The following UNC13C variants were observed in gnomAD, a reference collection of about 807,000 sequenced individuals.
UNC13C encodes the protein protein unc-13 homolog C.
In UNC13C, 174 loss-of-function variants were observed where a neutral mutation model predicts 245.4. The observed-to-expected ratio is 0.71, with a 90% CI of 0.63 to 0.80. UNC13C has a LOEUF of 0.80. UNC13C is among the 30% of genes least tolerant of loss of function. The pLI, the probability that UNC13C is intolerant of heterozygous loss-of-function variation, is 0.00. For missense variants in UNC13C, 2,829 were observed against 2,602.9 expected (o/e 1.09, Z -1.89); for synonymous variants, 992 against 895.1 (o/e 1.11, Z -1.93).
chr15:54,292,914 G>C (rs1233059453), intron 10 of UNC13C, among the ~76,000 whole-genome samples: 1 of 147,676 alleles, frequency 6.8e-6, no homozygotes, highest in African/African-American at 2.5e-5. Context: ...ATAATATATA[G>C]ATTATATATA....
At chr15:54,344,435 T>C (rs1007186057) in intron 17 of UNC13C, among the ~76,000 whole-genome samples, 6 of 152,344 alleles carry the variant, frequency 3.9e-5, no homozygotes, top group African/African-American at 1.4e-4. Context: ...TATATAATTT[T>C]CTTACTGGTT....
chr15:54,226,824 C>T (rs1243544845), intron 4 of UNC13C, among the ~76,000 whole-genome samples: 1 of 152,166 alleles, frequency 6.6e-6, no homozygotes, highest in Non-Finnish European at 1.5e-5. Context: ...ACAGAGGGAT[C>T]ATGGTGGTGC....
At chr15:54,249,274 T>C (rs62010056) in intron 7 of UNC13C, among the ~76,000 whole-genome samples, 18,317 of 152,050 alleles carry the variant, frequency 0.12, 1,212 homozygotes, top group Middle Eastern at 0.17. Flanking sequence ...TAATACTAAG[T>C]GCTTATTTGG....
At chr15:54,500,511 T>C (rs534393804) in intron 21 of UNC13C, among the ~76,000 whole-genome samples, 1 of 152,134 alleles carries the variant, frequency 6.6e-6, no homozygotes, top group South Asian at 2.1e-4. Flanking sequence ...ATTCTCCCAG[T>C]CCCTGTGAAG....
At position 54,455,164 on chromosome 15, in the gene UNC13C, C is replaced by CCTCTCTCTCTCTCTCTCTCTCT. The variant is rs1203605020; in HGVS notation, c.4934-39423_4934-39402dup. Among the ~76,000 whole-genome samples, 5 of 17,518 alleles carry CCTCTCTCTCTCTCTCTCTCTCT rather than the reference C, an allele frequency of 2.9e-4. 1 individual carries two copies. The highest frequency in any genetic ancestry group is 4.3e-4 in the Non-Finnish European group (4 of 9,232). The allele number at this position is 17,518 out of a possible 152,430, so 11.5% of individuals were successfully genotyped here. A position where few individuals can be genotyped will look rare whatever the true frequency, so the allele number is the denominator to read the frequency against. On this transcript the variant is annotated intron_variant, in intron 19 of 32. Coordinates refer to ENST00000260323, the MANE Select transcript of UNC13C (RefSeq NM_001080534.3). ...TTCCTTTCTATGGCTGAGTCATATT[C>CCTCTCTCTCTCTCTCTCTCTCT]CTCTCTCTCTCTCTCTCTCTCTCTC...
chr15:53,860,171 C>G, the UNC13C span, among the ~76,000 whole-genome samples: 15 of 152,048 alleles, frequency 9.9e-5, no homozygotes, highest in Non-Finnish European at 2.2e-4. Context: ...ATCTCTTTGT[C>G]TTAAGCTTTC....
At chr15:54,447,608 C>A (rs533060750) in intron 19 of UNC13C, among the ~76,000 whole-genome samples, 2 of 152,232 alleles carry the variant, frequency 1.3e-5, no homozygotes, top group South Asian at 4.2e-4. Flanking sequence ...TCTGTGGGAT[C>A]GATGGTGATA....
At chr15:54,375,141 G>A (rs1374572194) in intron 17 of UNC13C, among the ~76,000 whole-genome samples, 1 of 152,164 alleles carries the variant, frequency 6.6e-6, no homozygotes, top group Non-Finnish European at 1.5e-5. Context: ...CAGAAAGTTA[G>A]GATATGTGTG....
chr15:54,193,533 G>A (rs1436482078), intron 4 of UNC13C, among the ~76,000 whole-genome samples: 4 of 152,004 alleles, frequency 2.6e-5, no homozygotes, highest in South Asian at 4.2e-4. Flanking sequence ...TTGAGCCTCC[G>A]ATCAGCTTTT....
chr15:54,372,924 A>G (rs2039522589), intron 17 of UNC13C, among the ~76,000 whole-genome samples: 1 of 152,218 alleles, frequency 6.6e-6, no homozygotes, highest in Non-Finnish European at 1.5e-5. Context: ...ACATCCACAT[A>G]TAGCTTATGA....
chr15:54,091,772 T>TA (rs397702414), intron 2 of UNC13C, among the ~76,000 whole-genome samples: 2 of 152,034 alleles, frequency 1.3e-5, no homozygotes, highest in African/African-American at 2.4e-5. Context: ...TACTTTTTTT[T>TA]AAGAGAAATC....
chr15:54,470,956 T>G (rs189967793), intron 19 of UNC13C, among the ~76,000 whole-genome samples: 1 of 151,594 alleles, frequency 6.6e-6, no homozygotes, highest in Admixed American at 6.6e-5. Context: ...TTTTTTCATT[T>G]TTTTAACCCT....
chr15:54,359,252 G>T (rs2039171366), intron 17 of UNC13C, among the ~76,000 whole-genome samples: 1 of 151,738 alleles, frequency 6.6e-6, no homozygotes, highest in East Asian at 1.9e-4. Context: ...TTGCATCTAT[G>T]TTCAACAGGG....
chr15:54,333,959 C>T (rs1247045764), intron 16 of UNC13C, 103 bp downstream of exon 16: 1 of 770,272 alleles, frequency 1.3e-6, no homozygotes, highest in African/African-American at 1.7e-5. Context: ...ACTGTGTTAA[C>T]TCCATCGATT....
At chr15:54,240,406 T>G (rs961118403) in intron 7 of UNC13C, among the ~76,000 whole-genome samples, 2 of 152,192 alleles carry the variant, frequency 1.3e-5, no homozygotes, top group Non-Finnish European at 2.9e-5. Flanking sequence ...TAGGCACACT[T>G]GATACAAAAG....
chr15:54,506,692 G>C (rs544347316), intron 22 of UNC13C, among the ~76,000 whole-genome samples: 25 of 152,024 alleles, frequency 1.6e-4, no homozygotes, highest in Non-Finnish European at 1.5e-5. Flanking sequence ...AGTTGATTTT[G>C]AGCCACTAAG....
At chr15:54,259,061 T>C (rs1021181936) in intron 8 of UNC13C, among the ~76,000 whole-genome samples, 4 of 152,230 alleles carry the variant, frequency 2.6e-5, no homozygotes, top group Non-Finnish European at 5.9e-5. Flanking sequence ...CATCTTCACA[T>C]AGTAGAAGGG....
At chr15:54,604,550 T>C (rs995350238) in intron 30 of UNC13C, among the ~76,000 whole-genome samples, 8 of 152,302 alleles carry the variant, frequency 5.3e-5, no homozygotes, top group African/African-American at 1.9e-4. Context: ...AACTCCCTGC[T>C]TCCAGTAAAA....
rs201198503 is a variant in UNC13C, at chr15:54,100,813, A to G, written c.2984-42205A>G. ...ATCCATGCCATCATCTCTTTTGGTG[A>G]CTGACCACATGGATTTTTTAAGCTT... On this transcript the variant is annotated intron_variant, in intron 2 of 32. Coordinates refer to ENST00000260323, the MANE Select transcript of UNC13C (RefSeq NM_001080534.3). 1.2e-3 allele frequency among the ~76,000 whole-genome samples: 188 copies of G among 152,168 alleles called. 1 individual carries two copies. Among genetic ancestry groups the G allele is most frequent in the Non-Finnish European group, 2.1e-3 (143 of 68,010 alleles).
Sources: allele counts gnomAD v4.1 joint callset (sites outside exome capture counted in the v4.1 genomes callset), GRCh38; gene constraint gnomAD v4.1.1; transcripts MANE v1.5; gene names NCBI Gene and HGNC (gene_info 2026-07-23, HGNC 2026-07-21).